Variants in IL12RB2 observed in about 807,000 individuals in gnomAD.
IL12RB2 encodes the protein interleukin-12 receptor subunit beta-2.
A neutral mutation model predicts 89.4 loss-of-function variants in IL12RB2; 82 were observed. The observed-to-expected ratio is 0.92, with a 90% CI of 0.77 to 1.10. The LOEUF (loss-of-function observed/expected upper bound fraction) is 1.10. Ranked by LOEUF, IL12RB2 falls within the 50% of genes least tolerant of loss-of-function variation. The pLI is 0.00. For synonymous variants in IL12RB2, 368 were observed against 370.1 expected, an observed-to-expected ratio of 0.99 and a Z score of 0.07; for missense variants, 963 against 1,031.9, an observed-to-expected ratio of 0.93 and a Z score of 0.92.
chr1:67,337,376 G>C (rs1995147), intron 8 of IL12RB2, among the ~76,000 whole-genome samples: 73,375 of 152,042 alleles, frequency 0.48, 20,289 homozygotes, highest in Non-Finnish European at 0.6. Flanking sequence ...TTCCACTCCT[G>C]GCTGTAAATC....
intron 2 of IL12RB2, among the ~76,000 whole-genome samples, chr1:67,319,269 G>T (rs1656186731): frequency 1.3e-5 from 2 of 152,118 alleles, no homozygotes; most frequent in African/African-American, 2.4e-5. Flanking sequence ...TGAATTTTTG[G>T]CCTATCTTTA....
intron 5 of IL12RB2, 77 bp from the exon 6 acceptor site, chr1:67,328,123 C>T (rs1292220012): frequency 1.0e-6 from 1 of 1,003,592 alleles, no homozygotes; most frequent in East Asian, 2.4e-5. Flanking sequence ...AATATTTAAA[C>T]ATTTTGTTCT....
At chr1:67,326,223 T>C (rs1281248374) in intron 4 of IL12RB2, among the ~76,000 whole-genome samples, 1 of 152,204 alleles carries the variant, frequency 6.6e-6, no homozygotes, top group Non-Finnish European at 1.5e-5. Flanking sequence ...AGGTTTCTAA[T>C]ATTTGAATGG....
chr1:67,351,458 G>A (rs1660828985), intron 10 of IL12RB2, among the ~76,000 whole-genome samples: 1 of 152,112 alleles, frequency 6.6e-6, no homozygotes, highest in African/African-American at 2.4e-5. Flanking sequence ...GGAGAAATAC[G>A]TGTTATGTTT....
At position 67,372,422 on chromosome 1, in the gene IL12RB2, C is replaced by A. The variant is rs777459945; in HGVS notation, c.1460-14C>A. 73 of 1,410,962 alleles carry A rather than the reference C, an allele frequency of 5.2e-5. 2 individuals carry two copies. The South Asian group carries it at 8.0e-4, about 16-fold the overall frequency. The allele number at this position is 1,410,962 out of a possible 1,614,324, so 87.4% of individuals were successfully genotyped here. A position where few individuals can be genotyped will look rare whatever the true frequency, so the allele number is the denominator to read the frequency against. On this transcript the variant is annotated splice_polypyrimidine_tract_variant and intron_variant, in intron 11 of 16. Coordinates refer to ENST00000674203, the MANE Select transcript of IL12RB2 (RefSeq NM_001374259.2). ...AATGGCACGGCTGTTATGGGAATTC[C>A]CTTTTCCTTGCAGAGAACATAAAAT...
chr1:67,310,204 A>AG (rs1654848645), intron 1 of IL12RB2, among the ~76,000 whole-genome samples: 3 of 151,316 alleles, frequency 2.0e-5, no homozygotes, highest in Non-Finnish European at 4.4e-5. Context: ...AAAAAAAAAA[A>AG]AAAAAGCCAA....
At chr1:67,364,442 G>A (rs977972695) in intron 10 of IL12RB2, among the ~76,000 whole-genome samples, 5 of 152,156 alleles carry the variant, frequency 3.3e-5, no homozygotes, top group African/African-American at 1.2e-4. Flanking sequence ...AATGTAAAGA[G>A]ATAGAGAAAG....
At chr1:67,349,875 T>C (rs1055212460) in intron 9 of IL12RB2, among the ~76,000 whole-genome samples, 5 of 152,114 alleles carry the variant, frequency 3.3e-5, no homozygotes, top group Non-Finnish European at 7.4e-5. Flanking sequence ...TCACTTAAAG[T>C]GAAAAATAAA....
chr1:67,331,507 G>A (rs1461828727), intron 8 of IL12RB2, among the ~76,000 whole-genome samples: 1 of 152,060 alleles, frequency 6.6e-6, no homozygotes, highest in African/African-American at 2.4e-5. Context: ...TTAAATCTTT[G>A]GAGACACAAG....
rs781498581 is a variant in IL12RB2 at position 67,347,025 on chromosome 1, T to C, written c.1039-3845T>C. ...AGTTTACCTCCCTTAACTCATTGAA[T>C]GCTCCAATAAGCCTACACTGTACAT... On this transcript the variant is annotated intron_variant, in intron 9 of 16. Coordinates refer to ENST00000674203, the MANE Select transcript of IL12RB2 (RefSeq NM_001374259.2). Among the ~76,000 whole-genome samples the C allele has an allele frequency of 1.2e-4, 19 of 152,340 alleles. No homozygotes were observed. In the South Asian group the frequency reaches 2.1e-3, roughly 17 times the overall value.
chr1:67,345,696 C>T (rs887836467), intron 9 of IL12RB2, among the ~76,000 whole-genome samples: 6 of 152,158 alleles, frequency 3.9e-5, no homozygotes, highest in Non-Finnish European at 5.9e-5. Context: ...AACTCTATCT[C>T]CCCCTTCCCA....
Position 67,372,516 on chromosome 1 carries a change from G to A in IL12RB2, c.1540G>A (p.Gly514Ser), listed in dbSNP as rs752564970. ...GDQGGCSSILGNSKHKAPLSG... is the reference protein window; with the variant it reads ...GDQGGCSSILSNSKHKAPLSG... The stretch of plus-strand genomic sequence containing the variant: ...TCAAGGAGGATGCAGCTCCATCCTG[G>A]GTAACTCTAAGCACAAAGGTGAGTC... Residue 514 changes from glycine (G) to serine (S), a missense_variant, in exon 12 of 17, where the codon GGT becomes AGT. Coordinates refer to ENST00000674203, the MANE Select transcript of IL12RB2 (RefSeq NM_001374259.2). 1 of 1,602,448 alleles carries A rather than the reference G, an allele frequency of 6.2e-7. No individual in the cohort carries two copies. The highest frequency in any genetic ancestry group is 1.1e-5 in the South Asian group (1 of 90,786).
chr1:67,333,710 T>G (rs1417668797), intron 8 of IL12RB2, among the ~76,000 whole-genome samples: 2 of 152,194 alleles, frequency 1.3e-5, no homozygotes, highest in Non-Finnish European at 2.9e-5. Flanking sequence ...GCAGGCCTGA[T>G]AGTGACACTG....
At chr1:67,386,135 G>C (rs1466029242) in intron 14 of IL12RB2, among the ~76,000 whole-genome samples, 1 of 149,300 alleles carries the variant, frequency 6.7e-6, no homozygotes, top group Admixed American at 6.8e-5. Context: ...CTTGAACCCG[G>C]GAGGCGGAGA....
At chr1:67,364,966 G>A (rs1307588210) in intron 10 of IL12RB2, among the ~76,000 whole-genome samples, 1 of 152,118 alleles carries the variant, frequency 6.6e-6, no homozygotes, top group Non-Finnish European at 1.5e-5. Context: ...TCCGCTCCCA[G>A]ACCACAGGGG....
At chr1:67,337,914 AAAAG>A (rs201507414) in intron 8 of IL12RB2, among the ~76,000 whole-genome samples, 59,008 of 131,732 alleles carry the variant, frequency 0.45, 14,460 homozygotes, top group Non-Finnish European at 0.58. Flanking sequence ...AAAAAAAAAA[AAAAG>A]AAAAGAAAAG....
intron 9 of IL12RB2, among the ~76,000 whole-genome samples, chr1:67,344,295 AT>A (rs1236578639): frequency 1.3e-5 from 2 of 151,984 alleles, no homozygotes; most frequent in South Asian, 2.1e-4. Context: ...AATTTTAATA[AT>A]TTTTTTTCTT....
chr1:67,359,731 A>G (rs1661776742), intron 10 of IL12RB2, among the ~76,000 whole-genome samples: 1 of 152,014 alleles, frequency 6.6e-6, no homozygotes, highest in Non-Finnish European at 1.5e-5. Flanking sequence ...AAACAAAAAA[A>G]CACACAGTGG....
chr1:67,386,598 G>C lies in IL12RB2; in HGVS notation c.1875G>C (p.Ala625=). 6.2e-7 allele frequency: 1 copy of C among 1,613,042 alleles called. No individual in the cohort carries two copies. The highest frequency in any genetic ancestry group is 8.5e-7 in the Non-Finnish European group (1 of 1,179,130). ...TTTCAGGTAAAGCCAATTGGATGGC[G>C]TTTGTGGCACCAAGCATTTGCATTG... ...FCLQGKANWM[A]FVAPSICIAI... is the part of the protein sequence containing the mutation. Residue 625 remains alanine, a synonymous_variant, in exon 15 of 17, where the codon GCG becomes GCC. Transcript: ENST00000674203.
Sources: allele counts gnomAD v4.1 joint callset (sites outside exome capture counted in the v4.1 genomes callset), GRCh38; gene constraint gnomAD v4.1.1; transcripts MANE v1.5; gene names NCBI Gene and HGNC (gene_info 2026-07-23, HGNC 2026-07-21).